CDH18: variants seen among roughly 807,000 people sequenced by gnomAD.
The protein encoded by CDH18 is cadherin 18.
In CDH18, 31 loss-of-function variants were observed where a neutral mutation model predicts 67.9. The observed-to-expected ratio is 0.46, with a 90% CI of 0.34 to 0.62. CDH18 has a LOEUF of 0.62. CDH18 is among the 20% of genes least tolerant of loss of function. The probability of loss-of-function intolerance (pLI) is 0.01; values close to 1 mark genes in which losing one functional copy is unlikely to be tolerated. For missense variants in CDH18, 890 were observed against 975.5 expected (o/e 0.91, Z 1.17); for synonymous variants, 362 against 347.2 (o/e 1.04, Z -0.48).
chr5:19,910,667 A>G (rs1461300943), intron 2 of CDH18, among the ~76,000 whole-genome samples: 4 of 152,146 alleles, frequency 2.6e-5, no homozygotes. Context: ...ATCAAAATAA[A>G]AAGGTGTCTG....
chr5:20,390,728 GA>G (rs964173630), intron 1 of CDH18, among the ~76,000 whole-genome samples: 31 of 152,222 alleles, frequency 2.0e-4, no homozygotes, highest in African/African-American at 7.5e-4. Context: ...CAAAGGCTTG[GA>G]ACTAACCCAA....
intron 3 of CDH18, among the ~76,000 whole-genome samples, chr5:19,762,053 A>AT (rs1772431074): frequency 6.6e-6 from 1 of 152,184 alleles, no homozygotes; most frequent in Non-Finnish European, 1.5e-5. Flanking sequence ...AGAAAGCTGA[A>AT]ACTGGATCCC....
intron 1 of CDH18, among the ~76,000 whole-genome samples, chr5:20,295,572 CA>C (rs1747425840): frequency 1.3e-5 from 2 of 151,550 alleles, no homozygotes; most frequent in South Asian, 4.2e-4. Context: ...ACTAAAAATA[CA>C]AAAATTAGTT....
chr5:19,792,138 G>C (rs1776424777), intron 3 of CDH18, among the ~76,000 whole-genome samples: 1 of 152,094 alleles, frequency 6.6e-6, no homozygotes, highest in Non-Finnish European at 1.5e-5. Flanking sequence ...ATGTGTCTAT[G>C]AGAATGTTTT....
chr5:20,390,064 G>A (rs1343561955), intron 1 of CDH18, among the ~76,000 whole-genome samples: 1 of 152,126 alleles, frequency 6.6e-6, no homozygotes, highest in South Asian at 2.1e-4. Flanking sequence ...ATACCATTAA[G>A]GACATAGGCA....
chr5:19,619,133 T>A (rs1327112105), intron 5 of CDH18, among the ~76,000 whole-genome samples: 2 of 152,148 alleles, frequency 1.3e-5, no homozygotes, highest in East Asian at 3.9e-4. Context: ...ACAAAAATAA[T>A]CAGACATTTA....
At chr5:19,576,235 A>G (rs185455681) in intron 7 of CDH18, among the ~76,000 whole-genome samples, 117 of 152,320 alleles carry the variant, frequency 7.7e-4, no homozygotes, top group Non-Finnish European at 1.5e-3. Flanking sequence ...AGTAAGCAAA[A>G]ATAGACAAGT....
At chr5:20,566,753 G>T (rs1217622700) in intron 1 of CDH18, among the ~76,000 whole-genome samples, 2 of 151,896 alleles carry the variant, frequency 1.3e-5, no homozygotes, top group Non-Finnish European at 2.9e-5. Context: ...TCTGTAAGCT[G>T]TCAAGTACAA....
chr5:20,347,483 G>A (rs984585758), intron 1 of CDH18, among the ~76,000 whole-genome samples: 15 of 152,176 alleles, frequency 9.9e-5, no homozygotes, highest in African/African-American at 1.7e-4. Flanking sequence ...GAGGATCAGT[G>A]GAGAAGAACA....
chr5:19,674,928 G>C (rs535620778), intron 5 of CDH18, among the ~76,000 whole-genome samples: 1 of 152,184 alleles, frequency 6.6e-6, no homozygotes, highest in African/African-American at 2.4e-5. Flanking sequence ...CATTTATCAC[G>C]GGAAATTCAG....
intron 2 of CDH18, among the ~76,000 whole-genome samples, chr5:20,066,254 T>C (rs1222222553): frequency 6.6e-6 from 1 of 152,016 alleles, no homozygotes; most frequent in Non-Finnish European, 1.5e-5. Context: ...AGCTCCACTA[T>C]CCCTGCTTCC....
At chr5:19,629,034 C>T (rs1354564043) in intron 5 of CDH18, among the ~76,000 whole-genome samples, 1 of 152,048 alleles carries the variant, frequency 6.6e-6, no homozygotes, top group African/African-American at 2.4e-5. Flanking sequence ...TATGATATGG[C>T]CTGAGCAGTG....
At chr5:20,350,998 C>T (rs2150056902) in intron 1 of CDH18, among the ~76,000 whole-genome samples, 1 of 151,990 alleles carries the variant, frequency 6.6e-6, no homozygotes, top group South Asian at 2.1e-4. Flanking sequence ...AGAACTTTTT[C>T]ATACTCATTT....
At chr5:20,265,752 T>C (rs1180734815) in intron 1 of CDH18, among the ~76,000 whole-genome samples, 2 of 152,216 alleles carry the variant, frequency 1.3e-5, no homozygotes. Flanking sequence ...ACCACTGTTA[T>C]TGGTGATAAA....
At chr5:20,322,052 G>GA (rs887432993) in intron 1 of CDH18, among the ~76,000 whole-genome samples, 21 of 151,634 alleles carry the variant, frequency 1.4e-4, no homozygotes, top group African/African-American at 3.6e-4. Flanking sequence ...GCTTTAATTA[G>GA]AAAAAAAAGC....
chr5:20,130,064 T>C (rs1426925957), intron 2 of CDH18, among the ~76,000 whole-genome samples: 1 of 55,722 alleles, frequency 1.8e-5, no homozygotes, highest in East Asian at 4.4e-4. Context: ...GGCAATATTA[T>C]TATTATTATT....
At chr5:19,480,126 G>A (rs1157382727) in intron 12 of CDH18, among the ~76,000 whole-genome samples, 1 of 151,834 alleles carries the variant, frequency 6.6e-6, no homozygotes, top group Non-Finnish European at 1.5e-5. Context: ...CTAAGAGATC[G>A]ACTTTTAAGA....
At chr5:19,819,090 C>T (rs1263118746) in intron 3 of CDH18, among the ~76,000 whole-genome samples, 2 of 151,568 alleles carry the variant, frequency 1.3e-5, no homozygotes, top group East Asian at 3.9e-4. Flanking sequence ...TGTGTTTATA[C>T]CTCTGTATAC....
intron 11 of CDH18, among the ~76,000 whole-genome samples, chr5:19,498,326 T>A (rs2126724535): frequency 6.6e-6 from 1 of 152,222 alleles, no homozygotes; most frequent in Middle Eastern, 3.4e-3. Flanking sequence ...TCGCAAGACA[T>A]GAAGAAATGC....
Sources: gnomAD v4.1 joint callset for allele counts (sites outside exome capture counted in the v4.1 genomes callset) on GRCh38, gnomAD v4.1.1 for gene constraint, MANE v1.5 for transcripts, NCBI Gene and HGNC (gene_info 2026-07-23, HGNC 2026-07-21) for gene names.